The following RBM47 variants were observed in gnomAD, a reference collection of about 807,000 sequenced individuals.
The protein encoded by RBM47 is RNA-binding protein 47.
In RBM47, 21 loss-of-function variants were observed where a neutral mutation model predicts 47.1. That is an observed-to-expected ratio of 0.45 (90% CI 0.32 to 0.64). RBM47 has a LOEUF of 0.64. Ranked by LOEUF, RBM47 falls within the 30% of genes least tolerant of loss-of-function variation. The pLI, the probability that RBM47 is intolerant of heterozygous loss-of-function variation, is 0.05. For missense variants in RBM47, 708 were observed against 870.9 expected (o/e 0.81, Z 2.35); for synonymous variants, 375 against 361.7 (o/e 1.04, Z -0.42).
chr4:40,590,773 A>G (rs945472791), intron 1 of RBM47, among the ~76,000 whole-genome samples: 1 of 152,212 alleles, frequency 6.6e-6, no homozygotes, highest in African/African-American at 2.4e-5. Context: ...TGTTAAGTGA[A>G]AGAAGCCAGA....
chr4:40,610,917 G>A (rs950603066), intron 1 of RBM47, among the ~76,000 whole-genome samples: 7 of 152,118 alleles, frequency 4.6e-5, no homozygotes, highest in African/African-American at 1.7e-4. Context: ...CCATGATTAT[G>A]AGAGAACTCC....
intron 2 of RBM47, among the ~76,000 whole-genome samples, chr4:40,528,404 T>TAA (rs142606443): frequency 2.4e-4 from 35 of 147,726 alleles, no homozygotes; most frequent in Middle Eastern, 3.6e-3. Context: ...TGAGGCTTTT[T>TAA]TAAAAAAAAA....
At chr4:40,479,099 G>A (rs1720035744) in intron 2 of RBM47, among the ~76,000 whole-genome samples, 1 of 152,168 alleles carries the variant, frequency 6.6e-6, no homozygotes, top group Admixed American at 6.5e-5. Context: ...TAATTAACCA[G>A]TATTGAAAAA....
At chr4:40,557,474 C>T (rs1234184497) in intron 1 of RBM47, among the ~76,000 whole-genome samples, 9 of 152,122 alleles carry the variant, frequency 5.9e-5, no homozygotes, top group Non-Finnish European at 7.4e-5. Flanking sequence ...GTTGGCTGGG[C>T]GCAGTGGCTC....
At chr4:40,603,377 T>C (rs1735454647) in intron 1 of RBM47, among the ~76,000 whole-genome samples, 1 of 152,172 alleles carries the variant, frequency 6.6e-6, no homozygotes, top group African/African-American at 2.4e-5. Flanking sequence ...TTGCTTCCAG[T>C]ATGGGGATAT....
chr4:40,490,472 A>T (rs752556154), intron 2 of RBM47, among the ~76,000 whole-genome samples: 1 of 152,178 alleles, frequency 6.6e-6, no homozygotes, highest in Non-Finnish European at 1.5e-5. Flanking sequence ...AAAATCAATT[A>T]TAAATTTCTA....
chr4:40,626,228 ATTGTT>A (rs1204815567), intron 1 of RBM47, among the ~76,000 whole-genome samples: 3 of 152,328 alleles, frequency 2.0e-5, no homozygotes, highest in African/African-American at 4.8e-5. Context: ...CTGAGCTGTA[ATTGTT>A]TTGTTTTGTT....
intron 2 of RBM47, among the ~76,000 whole-genome samples, chr4:40,523,751 G>A (rs1439397427): frequency 6.6e-6 from 1 of 151,782 alleles, no homozygotes. Context: ...TGTGGTCCCA[G>A]CTACTTTGGA....
At chr4:40,626,706 C>G (rs1737772763) in intron 1 of RBM47, among the ~76,000 whole-genome samples, 1 of 152,148 alleles carries the variant, frequency 6.6e-6, no homozygotes, top group Non-Finnish European at 1.5e-5. Flanking sequence ...CACTGCCTCT[C>G]CCCATACAGA....
At chr4:40,522,933 A>ATT (rs1236907907) in intron 2 of RBM47, among the ~76,000 whole-genome samples, 2 of 151,762 alleles carry the variant, frequency 1.3e-5, no homozygotes, top group African/African-American at 4.8e-5. Flanking sequence ...CCCAAATAAA[A>ATT]GCACTTTAAA....
At chr4:40,562,935 T>C (rs1730772908) in intron 1 of RBM47, among the ~76,000 whole-genome samples, 1 of 152,206 alleles carries the variant, frequency 6.6e-6, no homozygotes, top group Non-Finnish European at 1.5e-5. Context: ...CAAAAAGCTG[T>C]ACCCCCAAAA....
upstream of RBM47, chr4:40,630,372 C>T (rs761305233): frequency 4.6e-5 from 7 of 152,406 alleles, no homozygotes; most frequent in Non-Finnish European, 7.3e-5. Context: ...CCTTCTTCCC[C>T]CCATAAACAA....
At chr4:40,527,436 A>ATT (rs60524903) in intron 2 of RBM47, among the ~76,000 whole-genome samples, 169 of 104,706 alleles carry the variant, frequency 1.6e-3, no homozygotes, top group Admixed American at 2.5e-3. Flanking sequence ...ACACCTGGCA[A>ATT]TTTTTTTTTT....
At chr4:40,522,232 C>T (rs1266379157) in intron 2 of RBM47, among the ~76,000 whole-genome samples, 2 of 152,106 alleles carry the variant, frequency 1.3e-5, no homozygotes, top group African/African-American at 4.8e-5. Flanking sequence ...TGGCTGGGTG[C>T]AGTGGCTCAC....
intron 1 of RBM47, among the ~76,000 whole-genome samples, chr4:40,595,471 G>A (rs565629752): frequency 7.2e-5 from 11 of 152,044 alleles, no homozygotes; most frequent in Non-Finnish European, 1.6e-4. Flanking sequence ...TCCAGCCTGG[G>A]CGACAGAGCA....
At chr4:40,530,070 G>T (rs998098165) in intron 2 of RBM47, among the ~76,000 whole-genome samples, 12 of 149,550 alleles carry the variant, frequency 8.0e-5, no homozygotes, top group African/African-American at 2.9e-4. Flanking sequence ...CGATGAGCTG[G>T]GATTACAGGC....
At chr4:40,624,975 G>A (rs1194635164) in intron 1 of RBM47, among the ~76,000 whole-genome samples, 2 of 139,618 alleles carry the variant, frequency 1.4e-5, no homozygotes, top group East Asian at 2.3e-4. Flanking sequence ...TCAGCCTCCC[G>A]AGTAGCTGGG....
intron 1 of RBM47, among the ~76,000 whole-genome samples, chr4:40,559,578 T>C (rs1196169102): frequency 6.6e-6 from 1 of 152,200 alleles, no homozygotes; most frequent in African/African-American, 2.4e-5. Flanking sequence ...ATATAAAAGA[T>C]TCTATCTTTG....
rs1203475690 is a variant in RBM47 at position 40,506,443 on chromosome 4, C to A, written c.-155+37979G>T. 2.6e-5 allele frequency among the ~76,000 whole-genome samples: 4 copies of A among 152,184 alleles called. No homozygotes were observed. In the East Asian group the frequency reaches 7.7e-4, roughly 29 times the overall value. ...ATGTGCCAGATACTTTAATATACTG[C>A]AAATTATCTCAATTAATCCCAACAA... On this transcript the variant is annotated intron_variant, in intron 2 of 6. Transcript: ENST00000295971.
Sources: allele counts gnomAD v4.1 joint callset (sites outside exome capture counted in the v4.1 genomes callset), GRCh38; gene constraint gnomAD v4.1.1; transcripts MANE v1.5; gene names NCBI Gene and HGNC (gene_info 2026-07-23, HGNC 2026-07-21).